The following YIPF6 variants were observed in gnomAD, a reference collection of about 807,000 sequenced individuals.
YIPF6 encodes the protein Yip1 domain family member 6, also known as protein YIPF6.
A neutral mutation model predicts 16.8 loss-of-function variants in YIPF6; 3 were observed. The ratio of observed to expected loss-of-function variants is 0.18; its 90% CI spans 0.08 to 0.46. YIPF6 has a LOEUF of 0.46. Ranked by LOEUF, YIPF6 falls within the 20% of genes least tolerant of loss-of-function variation. The pLI is 0.98. For synonymous variants in YIPF6, 67 were observed against 61.9 expected, an observed-to-expected ratio of 1.08 and a Z score of -0.38; for missense variants, 145 against 184.9, an observed-to-expected ratio of 0.78 and a Z score of 1.25.
intron 1 of YIPF6, among the ~76,000 whole-genome samples, chrX:68,505,281 G>A (rs1462779836): frequency 9.0e-6 from 1 of 111,113 alleles, no homozygotes; most frequent in Non-Finnish European, 1.9e-5. Context: ...ATGGTGGTGG[G>A]TGCCTGTAAT....
chrX:68,503,416 G>A (rs775952929), intron 1 of YIPF6, among the ~76,000 whole-genome samples: 3 of 111,912 alleles, frequency 2.7e-5, no homozygotes, highest in Non-Finnish European at 5.6e-5. Context: ...ATGGGAAAGG[G>A]GAGGGACATG....
At chrX:68,518,603 G>A (rs1037755990) in intron 3 of YIPF6, among the ~76,000 whole-genome samples, 167 bp from the exon 4 acceptor site, 2 of 111,504 alleles carry the variant, frequency 1.8e-5, no homozygotes, top group African/African-American at 6.5e-5. Flanking sequence ...GTAAAGAAGT[G>A]CATTCAGGAT....
rs191167374 is a variant in YIPF6 at position 68,530,729 on chromosome X, G to A, written c.593-1152G>A. Among the ~76,000 whole-genome samples, 656 of 110,352 alleles carry A rather than the reference G, an allele frequency of 5.9e-3. 6 individuals are homozygous for A. The highest frequency in any genetic ancestry group is 0.021 in the African/African-American group (630 of 30,313). ...CCTTGGCTAGGGTAGGGAGTTCCCC[G>A]ACCCCTTGTGCTTCCTAGGTGAGGC... is the stretch of plus-strand genomic sequence containing the variant. On this transcript the variant is annotated intron_variant, in intron 6 of 6. Coordinates refer to ENST00000462683, the MANE Select transcript of YIPF6 (RefSeq NM_173834.4).
chrX:68,503,536 C>G (rs1013606302), intron 1 of YIPF6, among the ~76,000 whole-genome samples: 6 of 111,959 alleles, frequency 5.4e-5, no homozygotes. Flanking sequence ...TAGTTCCTGA[C>G]TCAGCTCATG....
At chrX:68,528,163 C>T (rs1040819097) in intron 6 of YIPF6, among the ~76,000 whole-genome samples, 1 of 111,423 alleles carries the variant, frequency 9.0e-6, no homozygotes, top group Admixed American at 9.6e-5. Flanking sequence ...AACCTGGGTG[C>T]TCCTGTATTG....
chrX:68,512,999 G>A (rs922734395), intron 2 of YIPF6, among the ~76,000 whole-genome samples: 2 of 111,556 alleles, frequency 1.8e-5, no homozygotes, highest in African/African-American at 6.5e-5. Flanking sequence ...GTGTTTTGTA[G>A]AGCAGCTTTT....
rs1393363616 is a variant in YIPF6 at position 68,536,848 on chromosome X, CTTTT to C, written c.*4851_*4854del. The C allele has an allele frequency of 8.9e-6, 1 of 112,108 alleles. No individual in the cohort carries two copies. The highest frequency in any genetic ancestry group is 1.9e-5 in the Non-Finnish European group (1 of 53,290). The allele number at this position is 112,108 out of a possible 1,213,427, so 9.2% of individuals were successfully genotyped here. A position where few individuals can be genotyped will look rare whatever the true frequency, so the allele number is the denominator to read the frequency against. On this transcript the variant is annotated 3_prime_UTR_variant, in exon 7 of 7. Coordinates refer to ENST00000462683, the MANE Select transcript of YIPF6 (RefSeq NM_173834.4). ...AGCATCAAACAATTTCTGCCTCTTTCTTTTTAATTCTCCCAGAGGGATGGTTAAT... is the reference window on the plus strand; with the variant it reads ...AGCATCAAACAATTTCTGCCTCTTTCTAATTCTCCCAGAGGGATGGTTAAT...
rs1331852842 is a variant in YIPF6, at chrX:68,531,851, T to C, written c.593-30T>C. 3.0e-6 allele frequency: 3 copies of C among 995,877 alleles called. No homozygotes were observed. In the South Asian group the frequency reaches 6.3e-5, roughly 21 times the overall value. 82.1% of individuals were successfully genotyped at this position (995,877 alleles called of 1,213,427 possible). On this transcript the variant is annotated intron_variant, in intron 6 of 6. Coordinates refer to ENST00000462683, the MANE Select transcript of YIPF6 (RefSeq NM_173834.4). ...TGTGACAATATTACTGTATTAAACA[T>C]TCCTTTTTGTTTTGTCTTGTTTTGT...
At chrX:68,515,290 C>T (rs1373548964) in intron 3 of YIPF6, 1 of 101,033 alleles carries the variant, frequency 9.9e-6, no homozygotes, top group Non-Finnish European at 2.0e-5. Context: ...AGCGCCACTG[C>T]AGTCCAGCTT....
Position 68,532,832 on chromosome X carries a change from T to TA in YIPF6, c.*834dup, listed in dbSNP as rs935039127. The TA allele has an allele frequency of 1.8e-5, 2 of 112,202 alleles. No individual in the cohort carries two copies. Among genetic ancestry groups the TA allele is most frequent in the African/African-American group, 6.5e-5 (2 of 30,914 alleles). 9.2% of individuals were successfully genotyped at this position (112,202 alleles called of 1,213,427 possible). ...ATCCAAAAAGAAGACCTCAGAAACT[T>TA]AGATTGGTAGATCTCTAGTGCATAT... is the stretch of plus-strand genomic sequence containing the variant. On this transcript the variant is annotated 3_prime_UTR_variant, in exon 7 of 7. Coordinates refer to ENST00000462683, the MANE Select transcript of YIPF6 (RefSeq NM_173834.4).
In YIPF6 at chrX:68,507,010, A is replaced by G. The variant is rs758882015; in HGVS notation, c.58-4839A>G. Reference sequence around the variant, plus strand: ...ATATATCTCAGGGTTCAAATTTCCAATTATCTCCTAAATTATATTTTTATA... The same window carrying G: ...ATATATCTCAGGGTTCAAATTTCCAGTTATCTCCTAAATTATATTTTTATA... On this transcript the variant is annotated intron_variant, in intron 1 of 6. Coordinates refer to ENST00000462683, the MANE Select transcript of YIPF6 (RefSeq NM_173834.4). Among the ~76,000 whole-genome samples the G allele has an allele frequency of 2.2e-3, 248 of 112,490 alleles. 1 individual carries two copies. Among genetic ancestry groups the G allele is most frequent in the African/African-American group, 7.8e-3 (241 of 31,036 alleles).
intron 6 of YIPF6, among the ~76,000 whole-genome samples, chrX:68,528,348 A>T (rs1013634619): frequency 6.3e-5 from 7 of 111,070 alleles, no homozygotes; most frequent in African/African-American, 2.0e-4. Flanking sequence ...ATATTCTTCC[A>T]TCCCTTTATT....
chrX:68,514,616 C>A (rs568347040), intron 3 of YIPF6: 1 of 112,318 alleles, frequency 8.9e-6, no homozygotes, highest in African/African-American at 3.2e-5. Flanking sequence ...GCCATGTTGG[C>A]CAGGCTGGTC....
rs550261639 is a variant in YIPF6, at chrX:68,532,204, T to C, written c.*205T>C. On this transcript the variant is annotated 3_prime_UTR_variant, in exon 7 of 7. Coordinates refer to ENST00000462683, the MANE Select transcript of YIPF6 (RefSeq NM_173834.4). ...TTTGAAAGGCTGTTCTTTTCTCTCT[T>C]AATGTCATTTCTTTAAAAATACATG... The C allele has an allele frequency of 5.4e-6, 2 of 369,104 alleles. No homozygotes were observed. The highest frequency in any genetic ancestry group is 9.4e-6 in the Non-Finnish European group (2 of 212,979). 30.4% of individuals were successfully genotyped at this position (369,104 alleles called of 1,213,427 possible).
At position 68,520,403 on chromosome X, in the gene YIPF6, A is replaced by T. The variant is rs184334752; in HGVS notation, c.309-969A>T. Among the ~76,000 whole-genome samples, 7 of 112,719 alleles carry T rather than the reference A, an allele frequency of 6.2e-5. No individual in the cohort carries two copies. In the East Asian group the frequency reaches 1.9e-3, roughly 31 times the overall value. On this transcript the variant is annotated intron_variant, in intron 4 of 6. Transcript: ENST00000462683. ...CAATTCCAAAGCAAAACCCTTTAGT[A>T]ATAATCTGTATGTTTTGATTTTTTA...
intron 4 of YIPF6, among the ~76,000 whole-genome samples, chrX:68,520,575 G>A (rs139829397): frequency 1.8e-3 from 198 of 111,481 alleles, no homozygotes; most frequent in African/African-American, 6.3e-3. Context: ...AGGCTCAAGC[G>A]ATTCTCCCAA....
chrX:68,522,679 T>TA, intron 5 of YIPF6, 81 bp from the exon 6 acceptor site: 2 of 945,214 alleles, frequency 2.1e-6, no homozygotes, highest in Non-Finnish European at 2.9e-6. Context: ...TTCCGTTACA[T>TA]AGAGAAATCT....
At chrX:68,516,028 C>T (rs1476877971) in intron 3 of YIPF6, among the ~76,000 whole-genome samples, 2 of 111,012 alleles carry the variant, frequency 1.8e-5, no homozygotes, top group Admixed American at 9.7e-5. Context: ...GAGGCTGAGG[C>T]GGAAGAATCG....
chrX:68,523,938 A>C (rs1005907329), intron 6 of YIPF6, among the ~76,000 whole-genome samples: 1 of 112,170 alleles, frequency 8.9e-6, no homozygotes, highest in African/African-American at 3.2e-5. Context: ...GGTGATCACG[A>C]AGTAGAATCA....
Sources: gnomAD v4.1 joint callset for allele counts (sites outside exome capture counted in the v4.1 genomes callset) on GRCh38, gnomAD v4.1.1 for gene constraint, MANE v1.5 for transcripts, NCBI Gene and HGNC (gene_info 2026-07-23, HGNC 2026-07-21) for gene names.